Variants in PTPRD observed in about 807,000 individuals in gnomAD.
PTPRD encodes the protein protein tyrosine phosphatase receptor type D.
In PTPRD, 34 loss-of-function variants were observed where a neutral mutation model predicts 214.5. The ratio of observed to expected loss-of-function variants is 0.16; its 90% CI spans 0.12 to 0.21. PTPRD has a LOEUF of 0.21. Ranked by LOEUF, PTPRD falls within the 10% of genes least tolerant of loss-of-function variation. The pLI, the probability that PTPRD is intolerant of heterozygous loss-of-function variation, is 1.00. For synonymous variants in PTPRD, 1,128 were observed against 845.7 expected (o/e 1.33, Z -5.79); for missense variants, 2,545 against 2,398.7 (o/e 1.06, Z -1.27).
At chr9:8,800,348 T>G (rs1481582672) in intron 11 of PTPRD, among the ~76,000 whole-genome samples, 1 of 152,174 alleles carries the variant, frequency 6.6e-6, no homozygotes, top group East Asian at 1.9e-4. Context: ...AAAACAATGC[T>G]GAGAACTACT....
chr9:9,536,455 T>A (rs2076538626), intron 8 of PTPRD, among the ~76,000 whole-genome samples: 1 of 152,038 alleles, frequency 6.6e-6, no homozygotes, highest in African/African-American at 2.4e-5. Flanking sequence ...AGCATTTGGA[T>A]GGCATGAATC....
chr9:8,375,024 C>A (rs1032460926), intron 39 of PTPRD, among the ~76,000 whole-genome samples: 12 of 151,848 alleles, frequency 7.9e-5, no homozygotes, highest in Non-Finnish European at 1.8e-4. Flanking sequence ...TAGATGCTTT[C>A]TTGGGTTTTT....
intron 9 of PTPRD, among the ~76,000 whole-genome samples, chr9:9,309,631 C>G (rs1223798346): frequency 6.6e-6 from 1 of 152,100 alleles, no homozygotes; most frequent in East Asian, 1.9e-4. Context: ...AATACTAACC[C>G]ACCATACACA....
chr9:10,345,990 G>T (rs2097072428), intron 2 of PTPRD, among the ~76,000 whole-genome samples: 1 of 152,078 alleles, frequency 6.6e-6, no homozygotes, highest in South Asian at 2.1e-4. Flanking sequence ...TTGCGGTTTT[G>T]ATTTGCAGTC....
At chr9:8,865,229 A>G (rs1240343197) in intron 11 of PTPRD, among the ~76,000 whole-genome samples, 3 of 152,208 alleles carry the variant, frequency 2.0e-5, no homozygotes, top group Admixed American at 6.6e-5. Context: ...TACAGGAGGC[A>G]GCATTTGCCA....
intron 2 of PTPRD, among the ~76,000 whole-genome samples, chr9:10,409,303 A>G (rs1158462589): frequency 6.6e-6 from 1 of 151,746 alleles, no homozygotes; most frequent in Non-Finnish European, 1.5e-5. Flanking sequence ...CACCTTTCTA[A>G]AATTTATAAA....
At chr9:8,600,341 T>G (rs2154276182) in intron 14 of PTPRD, among the ~76,000 whole-genome samples, 1 of 152,178 alleles carries the variant, frequency 6.6e-6, no homozygotes, top group African/African-American at 2.4e-5. Flanking sequence ...AGGCCACAAA[T>G]ACTGAAATTC....
intron 11 of PTPRD, among the ~76,000 whole-genome samples, chr9:8,903,992 ATAT>A (rs1318519286): frequency 6.6e-6 from 1 of 152,186 alleles, no homozygotes; most frequent in African/African-American, 2.4e-5. Flanking sequence ...ATATATTATG[ATAT>A]TATGATTCGA....
At chr9:9,749,554 AAC>A (rs1472745476) in intron 6 of PTPRD, among the ~76,000 whole-genome samples, 2 of 152,186 alleles carry the variant, frequency 1.3e-5, no homozygotes, top group African/African-American at 4.8e-5. Flanking sequence ...ATCATTGTTT[AAC>A]AGTCTTAATT....
At chr9:8,710,257 T>A (rs1394518051) in intron 12 of PTPRD, among the ~76,000 whole-genome samples, 1 of 152,174 alleles carries the variant, frequency 6.6e-6, no homozygotes, top group African/African-American at 2.4e-5. Flanking sequence ...CTTAAAGGTC[T>A]CAGGGTCAAG....
At chr9:10,172,075 A>G (rs1036542760) in intron 3 of PTPRD, among the ~76,000 whole-genome samples, 23 of 152,224 alleles carry the variant, frequency 1.5e-4, no homozygotes, top group Non-Finnish European at 7.3e-5. Flanking sequence ...CAATGAAAAT[A>G]TGTTTACACT....
At chr9:9,376,612 G>C (rs1024536085) in intron 9 of PTPRD, among the ~76,000 whole-genome samples, 2 of 152,024 alleles carry the variant, frequency 1.3e-5, no homozygotes, top group African/African-American at 2.4e-5. Flanking sequence ...ACACTGAAGA[G>C]CTTTAAGATA....
chr9:10,270,968 G>A (rs1157692155), intron 3 of PTPRD, among the ~76,000 whole-genome samples: 2 of 151,986 alleles, frequency 1.3e-5, no homozygotes, highest in South Asian at 2.1e-4. Context: ...GACTAGAAGA[G>A]TGCCCCACCA....
chr9:9,186,400 G>C lies in PTPRD; in HGVS notation c.-202-3037C>G, dbSNP rs574569840. Among the ~76,000 whole-genome samples the C allele has an allele frequency of 2.0e-5, 3 of 152,104 alleles. No individual in the cohort carries two copies. The South Asian group carries it at 6.2e-4, about 32-fold the overall frequency. On this transcript the variant is annotated intron_variant, in intron 9 of 45. Transcript: ENST00000381196. Reference sequence around the variant, plus strand: ...TGACCAGATACAGTTTCTAGTATTTGTATATGTTCATGAAGCCTGGGCAAC... The same window carrying C: ...TGACCAGATACAGTTTCTAGTATTTCTATATGTTCATGAAGCCTGGGCAAC...
chr9:9,211,748 T>C (rs1162014723), intron 9 of PTPRD, among the ~76,000 whole-genome samples: 1 of 152,170 alleles, frequency 6.6e-6, no homozygotes, highest in Non-Finnish European at 1.5e-5. Context: ...CTCTTTGTTG[T>C]GCTTTGCACA....
At chr9:9,761,000 T>C (rs373461782) in intron 6 of PTPRD, among the ~76,000 whole-genome samples, 3 of 152,172 alleles carry the variant, frequency 2.0e-5, no homozygotes, top group South Asian at 4.1e-4. Flanking sequence ...GGCAGTTTCT[T>C]ATAAGACTAA....
At chr9:9,666,805 T>G (rs545982893) in intron 7 of PTPRD, among the ~76,000 whole-genome samples, 113 of 152,132 alleles carry the variant, frequency 7.4e-4, no homozygotes, top group African/African-American at 2.5e-3. Flanking sequence ...GTCATAATAA[T>G]CTATCAACTC....
intron 10 of PTPRD, among the ~76,000 whole-genome samples, chr9:9,175,641 A>AAAAAAAAAAC (rs1569558780): frequency 7.1e-6 from 1 of 140,362 alleles, no homozygotes. Flanking sequence ...AAAAAAAAAA[A>AAAAAAAAAAC]AAAAAAAAAG....
At chr9:9,699,536 A>G (rs1030876591) in intron 7 of PTPRD, among the ~76,000 whole-genome samples, 4 of 152,162 alleles carry the variant, frequency 2.6e-5, no homozygotes, top group Admixed American at 6.5e-5. Flanking sequence ...TTAGAACTCT[A>G]AAATGAATCT....
Sources: gnomAD v4.1 joint callset for allele counts (sites outside exome capture counted in the v4.1 genomes callset) on GRCh38, gnomAD v4.1.1 for gene constraint, MANE v1.5 for transcripts, NCBI Gene and HGNC (gene_info 2026-07-23, HGNC 2026-07-21) for gene names.